The following RASGRF2 variants were observed in gnomAD, a reference collection of about 807,000 sequenced individuals.
The protein encoded by RASGRF2 is Ras protein specific guanine nucleotide releasing factor 2.
Under a neutral mutation model 151.0 loss-of-function variants are expected in RASGRF2, and 76 were observed. The ratio of observed to expected loss-of-function variants is 0.50; its 90% CI spans 0.42 to 0.61. The LOEUF (loss-of-function observed/expected upper bound fraction) is 0.61. RASGRF2 is among the 20% of genes least tolerant of loss of function. The pLI is 0.00. For synonymous variants in RASGRF2, 504 were observed against 566.5 expected, an observed-to-expected ratio of 0.89 and a Z score of 1.57; for missense variants, 1,148 against 1,564.6, an observed-to-expected ratio of 0.73 and a Z score of 4.49.
Position 80,996,342 on chromosome 5 carries a change from C to T in RASGRF2, c.288+35316C>T, listed in dbSNP as rs76622404. ...CTCTCTGTGTGTGTGATAATTTATA[C>T]GACTCACTTTTGTTTCCGTTCTGTA... is the stretch of plus-strand genomic sequence containing the variant. On this transcript the variant is annotated intron_variant, in intron 1 of 26. Transcript: ENST00000265080. Among the ~76,000 whole-genome samples the T allele has an allele frequency of 3.9e-3, 590 of 151,864 alleles. 3 individuals carry two copies. The highest frequency in any genetic ancestry group is 0.013 in the African/African-American group (556 of 41,376).
At chr5:80,969,232 G>T (rs1021349178) in intron 1 of RASGRF2, among the ~76,000 whole-genome samples, 1 of 146,092 alleles carries the variant, frequency 6.8e-6, no homozygotes, top group Non-Finnish European at 1.5e-5. Context: ...CCAGGTTCAA[G>T]TGATTCTCCT....
At position 81,199,870 on chromosome 5, in the gene RASGRF2, C is replaced by T. The variant is rs188161485; in HGVS notation, c.2794-1460C>T. Among the ~76,000 whole-genome samples the T allele has an allele frequency of 1.2e-3, 179 of 146,636 alleles. 1 individual carries two copies. Among genetic ancestry groups the T allele is most frequent in the African/African-American group, 4.3e-3 (168 of 39,078 alleles). ...CCGAGATCACGTCACTGCACTCCAGCCCGGGTGACAGAGTGAGACTCCATC... is the reference window on the plus strand; with the variant it reads ...CCGAGATCACGTCACTGCACTCCAGTCCGGGTGACAGAGTGAGACTCCATC... On this transcript the variant is annotated intron_variant, in intron 18 of 26. Transcript: ENST00000265080.
intron 17 of RASGRF2, among the ~76,000 whole-genome samples, chr5:81,137,616 G>T (rs1384757150): frequency 1.3e-5 from 2 of 152,130 alleles, no homozygotes; most frequent in African/African-American, 4.8e-5. Flanking sequence ...AGGTCATATG[G>T]ATGAACCCTA....
intron 17 of RASGRF2, among the ~76,000 whole-genome samples, chr5:81,133,110 G>A (rs1047351620): frequency 2.0e-5 from 3 of 152,144 alleles, no homozygotes; most frequent in Admixed American, 6.5e-5. Context: ...CCAGAGTCAG[G>A]TGGTATAATG....
chr5:81,027,083 T>C (rs1459416594), intron 1 of RASGRF2, among the ~76,000 whole-genome samples: 3 of 152,190 alleles, frequency 2.0e-5, no homozygotes, highest in Non-Finnish European at 4.4e-5. Context: ...AAGTATACAA[T>C]CCAGTGGTTT....
intron 10 of RASGRF2, 30 bp from the exon 11 acceptor site, chr5:81,094,266 C>T (rs770552667): frequency 1.1e-5 from 17 of 1,572,656 alleles, no homozygotes; most frequent in South Asian, 7.8e-5. Flanking sequence ...AGACCTTCAG[C>T]GTCTTAGTGA....
At chr5:81,071,550 T>G (rs1192348256) in intron 4 of RASGRF2, among the ~76,000 whole-genome samples, 2 of 152,208 alleles carry the variant, frequency 1.3e-5, no homozygotes, top group Non-Finnish European at 2.9e-5. Flanking sequence ...CTTTAAATAT[T>G]GCTCAGAATT....
chr5:81,091,124 C>T (rs979121271), intron 9 of RASGRF2, among the ~76,000 whole-genome samples: 1 of 152,188 alleles, frequency 6.6e-6, no homozygotes, highest in Non-Finnish European at 1.5e-5. Flanking sequence ...AGGCGAGCTA[C>T]TTGGCCTCAG....
At chr5:81,209,451 A>AACG (rs1012221951) in intron 22 of RASGRF2, among the ~76,000 whole-genome samples, 7 of 152,210 alleles carry the variant, frequency 4.6e-5, no homozygotes, top group African/African-American at 1.7e-4. Flanking sequence ...CAACAACAAC[A>AACG]AACTACCAGG....
At chr5:81,032,261 A>T (rs1750283904) in intron 1 of RASGRF2, among the ~76,000 whole-genome samples, 1 of 152,230 alleles carries the variant, frequency 6.6e-6, no homozygotes, top group African/African-American at 2.4e-5. Context: ...ATTCCAATCA[A>T]CAGAAAAAGA....
intron 19 of RASGRF2, among the ~76,000 whole-genome samples, chr5:81,202,358 G>A (rs986918101): frequency 6.6e-6 from 1 of 152,096 alleles, no homozygotes; most frequent in Non-Finnish European, 1.5e-5. Flanking sequence ...TGGCTGCATT[G>A]TCTCCTTGTT....
intron 6 of RASGRF2, 134 bp from the exon 7 acceptor site, chr5:81,080,462 C>A: frequency 1.8e-6 from 2 of 1,081,178 alleles, no homozygotes; most frequent in Admixed American, 2.4e-5. Context: ...ACCAGATCAT[C>A]ATTCAGGCAT....
intron 18 of RASGRF2, among the ~76,000 whole-genome samples, chr5:81,198,158 G>A (rs1755309551): frequency 6.6e-6 from 1 of 151,478 alleles, no homozygotes; most frequent in Non-Finnish European, 1.5e-5. Context: ...TAGTTCAGGG[G>A]ATACATGTGC....
At chr5:81,051,942 C>T (rs1043672536) in intron 2 of RASGRF2, among the ~76,000 whole-genome samples, 5 of 152,190 alleles carry the variant, frequency 3.3e-5, no homozygotes, top group African/African-American at 9.6e-5. Flanking sequence ...CCACCAGCTA[C>T]GTATTGAGGG....
intron 12 of RASGRF2, among the ~76,000 whole-genome samples, chr5:81,099,813 T>C (rs1752645759): frequency 6.6e-6 from 1 of 152,190 alleles, no homozygotes; most frequent in South Asian, 2.1e-4. Flanking sequence ...GGCACTACCC[T>C]TATAGACTAG....
At chr5:81,170,058 C>T (rs1754618274) in intron 17 of RASGRF2, among the ~76,000 whole-genome samples, 1 of 151,348 alleles carries the variant, frequency 6.6e-6, no homozygotes, top group African/African-American at 2.4e-5. Flanking sequence ...GCACTCCCTG[C>T]ACCACTGTTA....
chr5:81,105,221 C>T (rs1280070966), intron 12 of RASGRF2, among the ~76,000 whole-genome samples: 1 of 152,130 alleles, frequency 6.6e-6, no homozygotes, highest in Non-Finnish European at 1.5e-5. Context: ...GGATGACAAG[C>T]CCTTTGAACT....
intron 1 of RASGRF2, among the ~76,000 whole-genome samples, chr5:80,995,129 G>A (rs1022817649): frequency 3.3e-5 from 5 of 151,662 alleles, no homozygotes; most frequent in East Asian, 1.9e-4. Context: ...AGTGGCGGGT[G>A]CCTGTAGTCC....
intron 16 of RASGRF2, among the ~76,000 whole-genome samples, chr5:81,124,771 A>C (rs1195034906): frequency 6.6e-6 from 1 of 152,246 alleles, no homozygotes; most frequent in Non-Finnish European, 1.5e-5. Context: ...AAATATATCC[A>C]AATAACAGTT....
Sources: allele counts gnomAD v4.1 joint callset (sites outside exome capture counted in the v4.1 genomes callset), GRCh38; gene constraint gnomAD v4.1.1; transcripts MANE v1.5; gene names NCBI Gene and HGNC (gene_info 2026-07-23, HGNC 2026-07-21).